Variants in KAZN observed in about 807,000 individuals in gnomAD.
KAZN encodes the protein kazrin, periplakin interacting protein.
A neutral mutation model predicts 87.4 loss-of-function variants in KAZN; 40 were observed. That is an observed-to-expected ratio of 0.46 (90% confidence interval 0.36 to 0.60). The LOEUF is 0.60. KAZN is among the 20% of genes least tolerant of loss of function. The pLI is 0.00. For missense variants in KAZN, 898 were observed against 1,073.9 expected (o/e 0.84, Z 2.29); for synonymous variants, 466 against 458.3 (o/e 1.02, Z -0.22).
chr1:14,001,156 A>T (rs1363711648), intron 1 of KAZN, among the ~76,000 whole-genome samples: 1 of 152,160 alleles, frequency 6.6e-6, no homozygotes, highest in Non-Finnish European at 1.5e-5. Flanking sequence ...ACTTCAGCAA[A>T]GTCTCAGCAT....
intron 2 of KAZN, among the ~76,000 whole-genome samples, chr1:14,380,261 A>C (rs1157135866): frequency 6.6e-6 from 1 of 152,204 alleles, no homozygotes; most frequent in Non-Finnish European, 1.5e-5. Context: ...GGTACAAACA[A>C]GCCCAGATAG....
intron 1 of KAZN, among the ~76,000 whole-genome samples, chr1:14,149,198 T>C (rs1280450753): frequency 1.4e-5 from 2 of 146,792 alleles, no homozygotes; most frequent in African/African-American, 5.0e-5. Flanking sequence ...GCCTCCTGGG[T>C]TTAAGTGATT....
rs183843856 is a variant in KAZN at position 14,416,237 on chromosome 1, C to T, written c.250-182746C>T. On this transcript the variant is annotated intron_variant, in intron 2 of 16. Coordinates refer to the KAZN transcript ENST00000636203. ...TGATTATGTGTCACCTTACATCTAA[C>T]TCTAGGGGACCATCATTTATATGCA... Among the ~76,000 whole-genome samples the T allele has an allele frequency of 1.1e-4, 16 of 152,264 alleles. No homozygotes were observed. The East Asian group carries it at 2.3e-3, about 22-fold the overall frequency.
intron 2 of KAZN, among the ~76,000 whole-genome samples, chr1:14,590,411 C>T (rs879642336): frequency 2.0e-5 from 3 of 152,142 alleles, no homozygotes; most frequent in East Asian, 1.9e-4. Flanking sequence ...ACTGCCTCAG[C>T]GAGTGCAGGG....
At chr1:14,082,284 C>T (rs754963789) in intron 1 of KAZN, among the ~76,000 whole-genome samples, 26 of 152,272 alleles carry the variant, frequency 1.7e-4, no homozygotes, top group Admixed American at 3.3e-4. Flanking sequence ...TCCTACCTTT[C>T]GGGGATATCT....
chr1:13,937,704 A>G (rs1422975244), intron 1 of KAZN, among the ~76,000 whole-genome samples: 1 of 151,362 alleles, frequency 6.6e-6, no homozygotes, highest in Non-Finnish European at 1.5e-5. Context: ...ATTTTTGTGT[A>G]TAGTGAGAGA....
chr1:14,140,490 C>T (rs998774265), intron 1 of KAZN, among the ~76,000 whole-genome samples: 11 of 152,120 alleles, frequency 7.2e-5, no homozygotes, highest in African/African-American at 2.7e-4. Flanking sequence ...GCATTCTCTT[C>T]TGATAATACA....
chr1:14,957,503 C>T (rs2101748332), intron 1 of KAZN, among the ~76,000 whole-genome samples: 1 of 152,364 alleles, frequency 6.6e-6, no homozygotes, highest in African/African-American at 2.4e-5. Context: ...GCCCCGCTCT[C>T]GGATCCTGTG....
At chr1:14,189,278 ATGGATG>A (rs1217412980) in intron 2 of KAZN, among the ~76,000 whole-genome samples, 1 of 152,132 alleles carries the variant, frequency 6.6e-6, no homozygotes, top group Non-Finnish European at 1.5e-5. Context: ...TGCTTTCAGA[ATGGATG>A]TTCTTGTATT....
intron 2 of KAZN, among the ~76,000 whole-genome samples, chr1:14,347,873 T>C (rs1453082631): frequency 6.7e-6 from 1 of 150,130 alleles, no homozygotes; most frequent in African/African-American, 2.4e-5. Context: ...TTTTTTTTCT[T>C]TTTTCTTTTT....
At chr1:14,459,942 C>T (rs551808389) in intron 2 of KAZN, among the ~76,000 whole-genome samples, 45 of 152,172 alleles carry the variant, frequency 3.0e-4, no homozygotes, top group African/African-American at 1.1e-3. Flanking sequence ...AAACCAAAGC[C>T]CCCTGAGTAA....
intron 2 of KAZN, among the ~76,000 whole-genome samples, chr1:14,284,822 A>G (rs1408611789): frequency 6.6e-6 from 1 of 152,190 alleles, no homozygotes; most frequent in Non-Finnish European, 1.5e-5. Context: ...TGCTGCATTG[A>G]GAAACGAAGT....
At chr1:14,484,189 G>C (rs1442700019) in intron 2 of KAZN, among the ~76,000 whole-genome samples, 1 of 152,172 alleles carries the variant, frequency 6.6e-6, no homozygotes, top group Non-Finnish European at 1.5e-5. Context: ...TTTGAAATCA[G>C]GTAATGTGTG....
intron 2 of KAZN, among the ~76,000 whole-genome samples, chr1:14,274,931 T>G (rs1261911463): frequency 1.3e-5 from 2 of 152,134 alleles, no homozygotes; most frequent in African/African-American, 4.8e-5. Flanking sequence ...AGATTATGAT[T>G]CAGCAGAGAA....
chr1:14,446,352 A>G (rs1666985059), intron 2 of KAZN, among the ~76,000 whole-genome samples: 1 of 152,206 alleles, frequency 6.6e-6, no homozygotes, highest in Admixed American at 6.5e-5. Context: ...AGGGCCCAGT[A>G]CATAGCAATG....
In KAZN at chr1:14,604,526, C is replaced by T. The variant is rs145873774; in HGVS notation, c.226+5303C>T. On this transcript the variant is annotated intron_variant, in intron 1 of 14. Transcript: ENST00000376030. Reference sequence around the variant, plus strand: ...GAACATTCTTGCTTGTTTGATGCAACCTTGATCCAAGTGGTGGAGGCGAGG... The same window carrying T: ...GAACATTCTTGCTTGTTTGATGCAATCTTGATCCAAGTGGTGGAGGCGAGG... Among the ~76,000 whole-genome samples, 25 of 152,302 alleles carry T rather than the reference C, an allele frequency of 1.6e-4. No individual in the cohort carries two copies. The East Asian group carries it at 4.4e-3, about 27-fold the overall frequency.
chr1:14,108,474 T>C (rs1204770217), intron 1 of KAZN, among the ~76,000 whole-genome samples: 1 of 152,166 alleles, frequency 6.6e-6, no homozygotes, highest in South Asian at 2.1e-4. Flanking sequence ...TGAACTGTTT[T>C]TAAGAGGCTG....
chr1:14,395,968 A>C (rs1448720394), intron 2 of KAZN, among the ~76,000 whole-genome samples: 1 of 151,994 alleles, frequency 6.6e-6, no homozygotes, highest in African/African-American at 2.4e-5. Context: ...GACGCTCGAG[A>C]CCAGCCTGAC....
chr1:14,467,162 A>G (rs1668203089), intron 2 of KAZN, among the ~76,000 whole-genome samples: 1 of 152,204 alleles, frequency 6.6e-6, no homozygotes, highest in South Asian at 2.1e-4. Context: ...TGTAATTTGT[A>G]TGACATTAAC....
Sources: gnomAD v4.1 joint callset for allele counts (sites outside exome capture counted in the v4.1 genomes callset) on GRCh38, gnomAD v4.1.1 for gene constraint, MANE v1.5 for transcripts, NCBI Gene and HGNC (gene_info 2026-07-23, HGNC 2026-07-21) for gene names.